UBE2QL1: variants seen among roughly 807,000 people sequenced by gnomAD.
UBE2QL1 encodes the protein ubiquitin-conjugating enzyme E2Q-like protein 1.
Under a neutral mutation model 12.6 loss-of-function variants are expected in UBE2QL1, and 5 were observed. That is an observed-to-expected ratio of 0.40 (90% confidence interval 0.21 to 0.83). The LOEUF is 0.83. Ranked by LOEUF, UBE2QL1 falls within the 40% of genes least tolerant of loss-of-function variation. The probability of loss-of-function intolerance (pLI) is 0.37; values close to 1 mark genes in which losing one functional copy is unlikely to be tolerated. For missense variants in UBE2QL1, 99 were observed against 222.6 expected, an observed-to-expected ratio of 0.44 and a Z score of 3.53; for synonymous variants, 96 against 94.5, an observed-to-expected ratio of 1.02 and a Z score of -0.10.
At chr5:6,463,598 GTTA>G (rs149126743) in intron 1 of UBE2QL1, among the ~76,000 whole-genome samples, 11,141 of 137,180 alleles carry the variant, frequency 0.081, 615 homozygotes, top group East Asian at 0.23. Context: ...TATTTGTGCT[GTTA>G]TTATTATTAT....
At chr5:6,460,893 G>C (rs1215690885) in intron 1 of UBE2QL1, among the ~76,000 whole-genome samples, 2 of 152,020 alleles carry the variant, frequency 1.3e-5, no homozygotes, top group African/African-American at 2.4e-5. Flanking sequence ...AAACTTCTTG[G>C]CTACCATTTT....
In UBE2QL1 at chr5:6,449,001, G is replaced by T; in HGVS notation, c.108G>T (p.Lys36Asn). The change falls in exon 1 of 2, where the codon AAG (lysine) becomes AAT (asparagine). Residue 36 changes from lysine (K) to asparagine (N), a missense_variant. Coordinates refer to ENST00000399816, the MANE Select transcript of UBE2QL1 (RefSeq NM_001145161.3). ...ACGTGAAGCTGCACCAGGTGGACAA[G>T]GACTCGGTGCTGTGGCAGGACATGA... ...DWNVKLHQVDKDSVLWQDMKE... is the reference protein window; with the variant it reads ...DWNVKLHQVDNDSVLWQDMKE... The T allele has an allele frequency of 6.5e-7, 1 of 1,550,112 alleles. No individual in the cohort carries two copies. Among genetic ancestry groups the T allele is most frequent in the Non-Finnish European group, 8.7e-7 (1 of 1,146,326 alleles).
intron 1 of UBE2QL1, among the ~76,000 whole-genome samples, chr5:6,480,383 G>A (rs533202470): frequency 7.9e-5 from 12 of 152,292 alleles, no homozygotes; most frequent in Admixed American, 3.3e-4. Flanking sequence ...CTTGAGAACA[G>A]GGCCTGGCTC....
At chr5:6,475,661 G>A (rs1301353348) in intron 1 of UBE2QL1, among the ~76,000 whole-genome samples, 2 of 151,592 alleles carry the variant, frequency 1.3e-5, no homozygotes, top group African/African-American at 2.4e-5. Context: ...GCCAAGGGAA[G>A]GGGTAGGAAG....
intron 1 of UBE2QL1, among the ~76,000 whole-genome samples, chr5:6,451,435 C>T (rs1470018418): frequency 6.6e-6 from 1 of 152,172 alleles, no homozygotes; most frequent in Non-Finnish European, 1.5e-5. Flanking sequence ...AATTGAGATT[C>T]TAACATACAG....
intron 1 of UBE2QL1, among the ~76,000 whole-genome samples, chr5:6,488,120 A>AT (rs1199343494): frequency 3.9e-5 from 6 of 152,368 alleles, no homozygotes; most frequent in Admixed American, 3.9e-4. Context: ...AGTGCAATAA[A>AT]TGCGCTGAGC....
intron 1 of UBE2QL1, among the ~76,000 whole-genome samples, chr5:6,462,457 T>G (rs1348874907): frequency 6.6e-6 from 1 of 152,102 alleles, no homozygotes; most frequent in Admixed American, 6.5e-5. Context: ...GTTCTCATGC[T>G]CCCGAGGGTG....
At chr5:6,488,954 A>G (rs1256489008) in intron 1 of UBE2QL1, among the ~76,000 whole-genome samples, 2 of 152,216 alleles carry the variant, frequency 1.3e-5, no homozygotes, top group African/African-American at 4.8e-5. Context: ...GTCTCTTTTT[A>G]TCAAGCATAA....
intron 1 of UBE2QL1, among the ~76,000 whole-genome samples, chr5:6,475,043 C>A (rs974965092): frequency 5.3e-5 from 8 of 152,222 alleles, no homozygotes; most frequent in African/African-American, 1.9e-4. Context: ...TATATTCTAT[C>A]ATAAGATAAA....
chr5:6,478,340 A>G lies in UBE2QL1; in HGVS notation c.355-12878A>G. 6.6e-6 allele frequency among the ~76,000 whole-genome samples: 1 copy of G among 152,254 alleles called. No individual in the cohort carries two copies. Among genetic ancestry groups the G allele is most frequent in the East Asian group, 1.9e-4 (1 of 5,202 alleles). ...TCATTGTAAGTAACATGGCTTGGAAAGAGACCACAGCCGTGAACTGCCACC... is the reference window on the plus strand; with the variant it reads ...TCATTGTAAGTAACATGGCTTGGAAGGAGACCACAGCCGTGAACTGCCACC... On this transcript the variant is annotated intron_variant, in intron 1 of 1. Coordinates refer to ENST00000399816, the MANE Select transcript of UBE2QL1 (RefSeq NM_001145161.3). The surrounding 1 kb of genome is among the most constrained non-coding windows in gnomAD (Gnocchi z 4.5).
chr5:6,486,447 C>T (rs1028817042), intron 1 of UBE2QL1, among the ~76,000 whole-genome samples: 1 of 152,134 alleles, frequency 6.6e-6, no homozygotes, highest in South Asian at 2.1e-4. Flanking sequence ...CCCACCACAG[C>T]CTGGTAAACA....
In UBE2QL1 at chr5:6,449,240, A is replaced by T; in HGVS notation, c.347A>T (p.Lys116Met). The change falls in exon 1 of 2, where the codon AAG becomes ATG. Residue 116 changes from lysine to methionine, a missense_variant. Lys to Met is a moderately conservative substitution (Grantham distance 95). Transcript: ENST00000399816. ...VMRQFAASLV[K>M]GQGRICRKAG... ...CGCCAGTTCGCAGCCAGCCTGGTCA[A>T]GGGCCAGGTAAGGCGAGCGCGCCGG... 7.0e-7 allele frequency: 1 copy of T among 1,424,470 alleles called. No individual in the cohort carries two copies. The highest frequency in any genetic ancestry group is 9.2e-7 in the Non-Finnish European group (1 of 1,086,022). 88.2% of individuals were successfully genotyped at this position (1,424,470 alleles called of 1,614,324 possible). A position where few individuals can be genotyped will look rare whatever the true frequency, so the allele number is the denominator to read the frequency against.
Position 6,464,674 on chromosome 5 carries a change from C to T in UBE2QL1, c.354+15427C>T, listed in dbSNP as rs1020906632. On this transcript the variant is annotated intron_variant, in intron 1 of 1. Transcript: ENST00000399816. ...GCCTGAAAGGGGCAGCAGGGAGGGC[C>T]GTGTCTGCCTTCTCTGGGCTTCAAT... is the stretch of plus-strand genomic sequence containing the variant. Among the ~76,000 whole-genome samples, 8 of 152,212 alleles carry T rather than the reference C, an allele frequency of 5.3e-5. No homozygotes were observed. The East Asian group carries it at 9.6e-4, about 18-fold the overall frequency.
At chr5:6,457,301 A>G (rs1739545726) in intron 1 of UBE2QL1, among the ~76,000 whole-genome samples, 1 of 151,718 alleles carries the variant, frequency 6.6e-6, no homozygotes, top group Non-Finnish European at 1.5e-5. Flanking sequence ...AGATGCCCCA[A>G]CTTCTCTGCA....
At chr5:6,459,424 T>C (rs1405708040) in intron 1 of UBE2QL1, among the ~76,000 whole-genome samples, 1 of 152,120 alleles carries the variant, frequency 6.6e-6, no homozygotes, top group Non-Finnish European at 1.5e-5. Context: ...TGATGATCGG[T>C]CAAAGAGAAA....
In UBE2QL1 at chr5:6,496,200, G is replaced by A. The variant is rs1222187666; in HGVS notation, c.*4851G>A. Among the ~76,000 whole-genome samples the A allele has an allele frequency of 3.3e-5, 5 of 152,134 alleles. No homozygotes were observed. Among genetic ancestry groups the A allele is most frequent in the African/African-American group, 4.8e-5 (2 of 41,438 alleles). ...ACCGCCAATTCACCCTGTGTCTCTC[G>A]CAGAATTAAAGCCAGGAGGTGGCTT... On this transcript the variant is annotated 3_prime_UTR_variant, in exon 2 of 2. Transcript: ENST00000399816.
chr5:6,468,339 C>CGG (rs904760534), intron 1 of UBE2QL1, among the ~76,000 whole-genome samples: 6 of 152,068 alleles, frequency 3.9e-5, no homozygotes, highest in African/African-American at 1.4e-4. Context: ...AGCAGGGGCG[C>CGG]GGGGTGGGTG....
intron 1 of UBE2QL1, among the ~76,000 whole-genome samples, chr5:6,473,600 C>T (rs1734142607): frequency 6.6e-6 from 1 of 152,170 alleles, no homozygotes; most frequent in African/African-American, 2.4e-5. Context: ...TTCAGTTCCT[C>T]AAAAATAGCT....
chr5:6,485,485 A>G (rs1225601623), intron 1 of UBE2QL1, among the ~76,000 whole-genome samples: 1 of 152,222 alleles, frequency 6.6e-6, no homozygotes, highest in Non-Finnish European at 1.5e-5. Context: ...GTTTTCCTCA[A>G]GCCAAGAGCC....
Sources: gnomAD v4.1 joint callset for allele counts (sites outside exome capture counted in the v4.1 genomes callset) on GRCh38, gnomAD v4.1.1 for gene constraint, Gnocchi (gnomAD v3.1) non-coding constraint, MANE v1.5 for transcripts, NCBI Gene and HGNC (gene_info 2026-07-23, HGNC 2026-07-21) for gene names.